Variants in PITPNC1 observed in about 807,000 individuals in gnomAD.
The protein encoded by PITPNC1 is phosphatidylinositol transfer protein cytoplasmic 1.
In PITPNC1, 18 loss-of-function variants were observed where a neutral mutation model predicts 44.7. The ratio of observed to expected loss-of-function variants is 0.40; its 90% CI spans 0.28 to 0.60. The LOEUF (loss-of-function observed/expected upper bound fraction) is 0.60. PITPNC1 is among the 20% of genes least tolerant of loss of function. The pLI, the probability that PITPNC1 is intolerant of heterozygous loss-of-function variation, is 0.39. For synonymous variants in PITPNC1, 141 were observed against 149.6 expected (o/e 0.94, Z 0.42); for missense variants, 290 against 418.4 (o/e 0.69, Z 2.68).
At chr17:67,489,568 C>T (rs1312408080) in intron 1 of PITPNC1, among the ~76,000 whole-genome samples, 5 of 152,156 alleles carry the variant, frequency 3.3e-5, no homozygotes, top group African/African-American at 1.2e-4. Flanking sequence ...CTGATCCCGC[C>T]TCTAGAGATT....
chr17:67,386,584 C>T (rs1263443275), intron 1 of PITPNC1, among the ~76,000 whole-genome samples: 1 of 152,150 alleles, frequency 6.6e-6, no homozygotes, highest in African/African-American at 2.4e-5. Context: ...AGTGGGGAAT[C>T]ACAACGTTTT....
At position 67,425,204 on chromosome 17, in the gene PITPNC1, CACACACACACACA is replaced by C. The variant is rs1567984764; in HGVS notation, c.48+47003_48+47015del. On this transcript the variant is annotated intron_variant, in intron 1 of 8. Coordinates refer to ENST00000581322, the MANE Select transcript of PITPNC1 (RefSeq NM_012417.4). ...CATGTTGTGCGCGCGCACGCACACGCACACACACACACACACACACACACACACACACACACAC... is the reference window on the plus strand; with the variant it reads ...CATGTTGTGCGCGCGCACGCACACGCCACACACACACACACACACACACAC... Among the ~76,000 whole-genome samples the C allele has an allele frequency of 6.0e-3, 64 of 10,732 alleles. 2 individuals carry two copies. The highest frequency in any genetic ancestry group is 0.01 in the Non-Finnish European group (54 of 5,322). 7.0% of individuals were successfully genotyped at this position (10,732 alleles called of 152,430 possible).
In PITPNC1 at chr17:67,694,803, C is replaced by T. The variant is rs2042985051; in HGVS notation, c.*1915C>T. On this transcript the variant is annotated 3_prime_UTR_variant, in exon 9 of 9. Transcript: ENST00000581322. ...TCAGACCCCTCGGACTTCTCAATCC[C>T]TCCCTCTCCACACAGTAGTACTTAA... 6.6e-6 allele frequency: 1 copy of T among 152,152 alleles called. No individual in the cohort carries two copies. Among genetic ancestry groups the T allele is most frequent in the South Asian group, 2.1e-4 (1 of 4,822 alleles). The allele number at this position is 152,152 out of a possible 1,614,324, so 9.4% of individuals were successfully genotyped here.
chr17:67,672,530 T>G (rs529094521), intron 7 of PITPNC1, among the ~76,000 whole-genome samples: 11 of 151,532 alleles, frequency 7.3e-5, no homozygotes, highest in African/African-American at 2.7e-4. Context: ...ACCCAGGAAG[T>G]AGAGGTTGCA....
intron 5 of PITPNC1, among the ~76,000 whole-genome samples, chr17:67,598,404 T>G (rs1427696993): frequency 1.3e-5 from 2 of 152,106 alleles, no homozygotes; most frequent in Non-Finnish European, 2.9e-5. Flanking sequence ...TTTTTTTAAG[T>G]GGTTTAGGAG....
chr17:67,538,212 T>C (rs1029673659), intron 2 of PITPNC1, among the ~76,000 whole-genome samples: 6 of 152,060 alleles, frequency 3.9e-5, no homozygotes, highest in Non-Finnish European at 7.4e-5. Context: ...AAGAAATTAT[T>C]GAGGGGAAGA....
intron 1 of PITPNC1, among the ~76,000 whole-genome samples, chr17:67,492,440 C>T (rs753448425): frequency 6.6e-6 from 1 of 152,118 alleles, no homozygotes; most frequent in East Asian, 1.9e-4. Flanking sequence ...CACCAGAAAC[C>T]AAAAGAGGCA....
At chr17:67,421,167 A>G (rs910151336) in intron 1 of PITPNC1, among the ~76,000 whole-genome samples, 1 of 152,214 alleles carries the variant, frequency 6.6e-6, no homozygotes, top group Non-Finnish European at 1.5e-5. Context: ...CAGGTGGAGC[A>G]GGAACTGTTA....
chr17:67,504,990 T>G (rs1165429446), intron 1 of PITPNC1, among the ~76,000 whole-genome samples: 1 of 152,240 alleles, frequency 6.6e-6, no homozygotes, highest in East Asian at 1.9e-4. Context: ...GATTTCCTCT[T>G]AAACCCATTG....
At chr17:67,498,878 GT>G (rs71139150) in intron 1 of PITPNC1, among the ~76,000 whole-genome samples, 94,231 of 130,256 alleles carry the variant, frequency 0.72, 33,368 homozygotes, top group Middle Eastern at 0.83. Context: ...GTTTGTTTTT[GT>G]TTTTTTTTTT....
chr17:67,462,045 G>A (rs575766338), intron 1 of PITPNC1, among the ~76,000 whole-genome samples: 47 of 152,076 alleles, frequency 3.1e-4, no homozygotes, highest in African/African-American at 1.1e-3. Flanking sequence ...TGTCCCATTT[G>A]CTTTCACAAC....
intron 1 of PITPNC1, among the ~76,000 whole-genome samples, chr17:67,514,856 C>T (rs2040237503): frequency 6.6e-6 from 1 of 151,954 alleles, no homozygotes; most frequent in Admixed American, 6.6e-5. Context: ...AAGGGAGATG[C>T]CCCAGTCAAA....
chr17:67,635,042 C>T (rs559852149), intron 6 of PITPNC1, among the ~76,000 whole-genome samples: 2 of 152,222 alleles, frequency 1.3e-5, no homozygotes, highest in South Asian at 2.1e-4. Context: ...GAGATGGCAC[C>T]ACTGCAATCC....
intron 2 of PITPNC1, among the ~76,000 whole-genome samples, chr17:67,551,008 C>T (rs893350883): frequency 1.1e-4 from 16 of 152,134 alleles, no homozygotes; most frequent in African/African-American, 3.6e-4. Context: ...TTGCAGTGAG[C>T]CGAGACTGCA....
chr17:67,465,203 C>T (rs1026894337), intron 1 of PITPNC1, among the ~76,000 whole-genome samples: 2 of 152,160 alleles, frequency 1.3e-5, no homozygotes, highest in South Asian at 2.1e-4. Context: ...TTTGAGTGAT[C>T]GGTCCCCAGA....
intron 1 of PITPNC1, among the ~76,000 whole-genome samples, chr17:67,530,192 C>T (rs2364389): frequency 6.8e-6 from 1 of 147,922 alleles, no homozygotes; most frequent in Non-Finnish European, 1.5e-5. Flanking sequence ...CCTGGGTTCA[C>T]GCCATTCTCC....
At chr17:67,690,132 T>C (rs552170724) in intron 8 of PITPNC1, among the ~76,000 whole-genome samples, 4 of 152,348 alleles carry the variant, frequency 2.6e-5, no homozygotes, top group Admixed American at 1.3e-4. Context: ...AAAATACTTC[T>C]GGTTTGCTCA....
chr17:67,490,689 C>T (rs904694051), intron 1 of PITPNC1, among the ~76,000 whole-genome samples: 4 of 152,142 alleles, frequency 2.6e-5, no homozygotes, highest in South Asian at 4.1e-4. Flanking sequence ...TCAAAGGATC[C>T]GTAATGAATA....
At chr17:67,601,929 G>T (rs1568060714) in intron 5 of PITPNC1, among the ~76,000 whole-genome samples, 3 of 152,226 alleles carry the variant, frequency 2.0e-5, no homozygotes, top group Admixed American at 6.5e-5. Context: ...CAGTAATATG[G>T]GAAGAAAGGT....
Sources: allele counts gnomAD v4.1 joint callset (sites outside exome capture counted in the v4.1 genomes callset), GRCh38; gene constraint gnomAD v4.1.1; transcripts MANE v1.5; gene names NCBI Gene and HGNC (gene_info 2026-07-23, HGNC 2026-07-21).